The following CYP4Z1 variants were observed in gnomAD, a reference collection of about 807,000 sequenced individuals.
The protein encoded by CYP4Z1 is cytochrome P450 family 4 subfamily Z member 1, also known as cytochrome P450 4Z1.
In CYP4Z1, 41 loss-of-function variants were observed where a neutral mutation model predicts 54.2. The ratio of observed to expected loss-of-function variants is 0.76; its 90% CI spans 0.59 to 0.98. The LOEUF (loss-of-function observed/expected upper bound fraction) is 0.98. Among genes scored for constraint, CYP4Z1 ranks in the 50% least tolerant of loss-of-function variants. The pLI is 0.00. For missense variants in CYP4Z1, 513 were observed against 599.0 expected, an observed-to-expected ratio of 0.86 and a Z score of 1.50; for synonymous variants, 163 against 206.2, an observed-to-expected ratio of 0.79 and a Z score of 1.79.
intron 6 of CYP4Z1, among the ~76,000 whole-genome samples, chr1:47,090,182 T>C (rs1375320093): frequency 6.6e-6 from 1 of 152,242 alleles, no homozygotes; most frequent in African/African-American, 2.4e-5. Flanking sequence ...TTATGAACCT[T>C]CAGTAAAAAG....
At chr1:47,085,417 A>G (rs1644585064) in intron 6 of CYP4Z1, among the ~76,000 whole-genome samples, 1 of 152,114 alleles carries the variant, frequency 6.6e-6, no homozygotes, top group Non-Finnish European at 1.5e-5. Flanking sequence ...GTTTTTGGGG[A>G]CTTAGGACAT....
Position 47,067,613 on chromosome 1 carries a change from A to G in CYP4Z1, c.123A>G (p.Arg41=), listed in dbSNP as rs763033972. 25 of 1,613,188 alleles carry G rather than the reference A, an allele frequency of 1.5e-5. No individual in the cohort carries two copies. Among genetic ancestry groups the G allele is most frequent in the African/African-American group, 2.7e-5 (2 of 74,860 alleles). ...RLYQRRRWMI[R]ALHLFPAPPA... Reference sequence around the variant, plus strand: ...ACCAGAGGAGGAGATGGATGATCAGAGCCCTGCACCTGTTTCCTGCACCCC... The same window carrying G: ...ACCAGAGGAGGAGATGGATGATCAGGGCCCTGCACCTGTTTCCTGCACCCC... The change falls in exon 1 of 12, where the codon AGA becomes AGG. Residue 41 remains arginine, a synonymous_variant. Coordinates refer to ENST00000334194, the MANE Select transcript of CYP4Z1 (RefSeq NM_178134.3).
intron 9 of CYP4Z1, among the ~76,000 whole-genome samples, chr1:47,109,349 T>C (rs1408858197): frequency 6.6e-6 from 1 of 151,886 alleles, no homozygotes; most frequent in Non-Finnish European, 1.5e-5. Flanking sequence ...TTGCAGAGAG[T>C]AGAGGGTGGC....
At chr1:47,104,843 T>C (rs529774518) in intron 8 of CYP4Z1, among the ~76,000 whole-genome samples, 3 of 152,120 alleles carry the variant, frequency 2.0e-5, no homozygotes. Flanking sequence ...CCCAGGCTGC[T>C]ACAAGAATGC....
chr1:47,086,156 G>A (rs1407049668), intron 6 of CYP4Z1, among the ~76,000 whole-genome samples: 8 of 152,130 alleles, frequency 5.3e-5, no homozygotes, highest in Admixed American at 3.3e-4. Flanking sequence ...GTAAACACAC[G>A]TGTGCATGTG....
chr1:47,110,367 C>G (rs1644784990), intron 9 of CYP4Z1, among the ~76,000 whole-genome samples: 1 of 147,230 alleles, frequency 6.8e-6, no homozygotes, highest in Admixed American at 6.8e-5. Flanking sequence ...AGCAGAAACT[C>G]CTAAGAAAGA....
chr1:47,063,079 C>T (rs1046069949), upstream of CYP4Z1, among the ~76,000 whole-genome samples: 1 of 152,144 alleles, frequency 6.6e-6, no homozygotes, highest in African/African-American at 2.4e-5. Context: ...ACAGACACTC[C>T]CCAGTAGCAG....
chr1:47,065,371 C>T (rs900459516), upstream of CYP4Z1, among the ~76,000 whole-genome samples: 2 of 151,984 alleles, frequency 1.3e-5, no homozygotes, highest in Non-Finnish European at 2.9e-5. Context: ...AAGTCAACTC[C>T]AAAAGGAACC....
the CYP4Z1 span, among the ~76,000 whole-genome samples, chr1:47,060,448 G>T: frequency 8.0e-6 from 1 of 125,606 alleles, no homozygotes; most frequent in Admixed American, 7.9e-5. Flanking sequence ...AACTAACAAA[G>T]ATCAAAAAAG....
chr1:47,078,257 A>G (rs1019784247), intron 2 of CYP4Z1, among the ~76,000 whole-genome samples: 1 of 152,136 alleles, frequency 6.6e-6, no homozygotes. Flanking sequence ...AGATTCAACA[A>G]TCTCAATTGA....
At chr1:47,072,826 T>C (rs1644492004) in intron 2 of CYP4Z1, among the ~76,000 whole-genome samples, 2 of 143,916 alleles carry the variant, frequency 1.4e-5, no homozygotes, top group Admixed American at 1.4e-4. Flanking sequence ...GGGTCTGTGT[T>C]ACATTTGAGG....
At chr1:47,060,350 T>A in the CYP4Z1 span, among the ~76,000 whole-genome samples, 1 of 152,128 alleles carries the variant, frequency 6.6e-6, no homozygotes, top group African/African-American at 2.4e-5. Flanking sequence ...AGGTTCAAGA[T>A]AAAGGGATGG....
At chr1:47,063,429 T>C (rs777026156), upstream of CYP4Z1, among the ~76,000 whole-genome samples, 34 of 151,928 alleles carry the variant, frequency 2.2e-4, no homozygotes, top group Non-Finnish European at 4.4e-4. Flanking sequence ...AGAAGGTTGA[T>C]TATTAAGCTA....
chr1:47,083,241 C>G (rs942076010), intron 4 of CYP4Z1, among the ~76,000 whole-genome samples: 5 of 152,158 alleles, frequency 3.3e-5, no homozygotes, highest in African/African-American at 1.2e-4. Flanking sequence ...AACACGTCAG[C>G]TTGGATTCAT....
Position 47,084,970 on chromosome 1 carries a change from A to C in CYP4Z1, c.764A>C (p.Gln255Pro). 7.3e-7 allele frequency: 1 copy of C among 1,372,700 alleles called. No homozygotes were observed. Among genetic ancestry groups the C allele is most frequent in the South Asian group, 1.4e-5 (1 of 73,638 alleles). The allele number at this position is 1,372,700 out of a possible 1,614,324, so 85.0% of individuals were successfully genotyped here. Residue 255 changes from glutamine to proline, a missense_variant, in exon 6 of 12, where the codon CAG becomes CCG. Coordinates refer to ENST00000334194, the MANE Select transcript of CYP4Z1 (RefSeq NM_178134.3). ...IFSKFNQELHQFTEKVIQDRK... is the reference protein window; with the variant it reads ...IFSKFNQELHPFTEKVIQDRK... ...TCTAAATTTAACCAAGAACTTCATC[A>C]GTTCACAGGTTAGTCCTGGGATTTA...
intron 2 of CYP4Z1, chr1:47,075,695 CCTTG>C (rs1188973578): frequency 6.0e-6 from 1 of 165,824 alleles, no homozygotes; most frequent in African/African-American, 2.5e-5. Flanking sequence ...GCAGCATCTT[CCTTG>C]CTTGTGATGA....
At chr1:47,080,217 T>C (rs1644553202) in intron 2 of CYP4Z1, among the ~76,000 whole-genome samples, 1 of 123,008 alleles carries the variant, frequency 8.1e-6, no homozygotes, top group Admixed American at 8.2e-5. Context: ...AAATCTACAA[T>C]TTATCTCAAA....
intron 8 of CYP4Z1, among the ~76,000 whole-genome samples, chr1:47,102,133 T>C (rs186223656): frequency 3.9e-5 from 6 of 152,340 alleles, no homozygotes; most frequent in Non-Finnish European, 8.8e-5. Flanking sequence ...TTTCAGTCTA[T>C]ATGTGTCTTT....
chr1:47,096,027 T>A (rs1250903163), intron 7 of CYP4Z1, among the ~76,000 whole-genome samples: 2 of 152,176 alleles, frequency 1.3e-5, no homozygotes, highest in Non-Finnish European at 2.9e-5. Context: ...GAAACACGAC[T>A]CTTCCTAAAC....
Sources: gnomAD v4.1 joint callset for allele counts (sites outside exome capture counted in the v4.1 genomes callset) on GRCh38, gnomAD v4.1.1 for gene constraint, MANE v1.5 for transcripts, NCBI Gene and HGNC (gene_info 2026-07-23, HGNC 2026-07-21) for gene names.